MYRIP: variants seen among roughly 807,000 people sequenced by gnomAD.
The protein encoded by MYRIP is myosin VIIA and Rab interacting protein.
MYRIP carries 49 observed loss-of-function variants against 98.0 expected under a neutral mutation model. The ratio of observed to expected loss-of-function variants is 0.50; its 90% confidence interval spans 0.40 to 0.63. The LOEUF (loss-of-function observed/expected upper bound fraction) is 0.63. Ranked by LOEUF, MYRIP falls within the 30% of genes least tolerant of loss-of-function variation. MYRIP has a pLI of 0.00. For missense variants in MYRIP, 1,004 were observed against 1,058.2 expected, an observed-to-expected ratio of 0.95 and a Z score of 0.71; for synonymous variants, 404 against 409.5, an observed-to-expected ratio of 0.99 and a Z score of 0.16.
rs756564694 is a variant in MYRIP at position 39,900,839 on chromosome 3, C to A, written c.23C>A (p.Ser8Tyr). The part of the protein sequence containing the change: MGRKLDL[S>Y]GLTDDETEHV... ...ACCATGGGGAGGAAGCTGGACCTGT[C>A]TGGTTTGACTGATGATGAAACAGAG... The change falls in exon 2 of 17, where the codon TCT (serine) becomes TAT (tyrosine). Residue 8 changes from serine (S) to tyrosine (Y), a missense_variant. Ser to Tyr is a moderately radical substitution (Grantham distance 144, BLOSUM62 -2). This residue lies in a region of MYRIP where 880 missense variants were observed against 907.7 expected (regional missense o/e 0.97). Transcript: ENST00000302541. The A allele has an allele frequency of 1.6e-5, 26 of 1,613,780 alleles. No homozygotes were observed. Among genetic ancestry groups the A allele is most frequent in the Non-Finnish European group, 2.2e-5 (26 of 1,179,936 alleles).
intron 1 of MYRIP, among the ~76,000 whole-genome samples, chr3:39,846,203 C>CT (rs35935129): frequency 0.64 from 96,603 of 151,946 alleles, 31,081 homozygotes; most frequent in African/African-American, 0.73. Context: ...AGCTTCATTC[C>CT]TCTCTCCTAT....
In MYRIP at chr3:40,189,854, C is replaced by G; in HGVS notation, c.1056C>G (p.Asp352Glu). Reference sequence around the variant, plus strand: ...TGGCCCCAGTTTTGCAGAGCCCCGACGGGAACTGGGTGGCCCTGAAGGATG... The same window carrying G: ...TGGCCCCAGTTTTGCAGAGCCCCGAGGGGAACTGGGTGGCCCTGAAGGATG... ...TNLAPVLQSP[D>E]GNWVALKDGA... Residue 352 changes from aspartate (D) to glutamate (E), a missense_variant, in exon 10 of 17, where the codon GAC becomes GAG. Asp to Glu is a conservative substitution (Grantham distance 45). This residue lies in a region of MYRIP where 880 missense variants were observed against 907.7 expected (regional missense o/e 0.97). Transcript: ENST00000302541. 6.2e-7 allele frequency: 1 copy of G among 1,613,258 alleles called. No individual in the cohort carries two copies. Among genetic ancestry groups the G allele is most frequent in the Non-Finnish European group, 8.5e-7 (1 of 1,179,648 alleles).
At chr3:40,003,040 A>T (rs1282505351) in intron 2 of MYRIP, among the ~76,000 whole-genome samples, 4 of 33,744 alleles carry the variant, frequency 1.2e-4, no homozygotes, top group Non-Finnish European at 6.4e-4. Context: ...ATATATCTAT[A>T]GATATAGAGA....
At chr3:40,236,776 G>C (rs887750960) in intron 12 of MYRIP, among the ~76,000 whole-genome samples, 3 of 152,182 alleles carry the variant, frequency 2.0e-5, no homozygotes, top group Admixed American at 1.3e-4. Flanking sequence ...AGCTCCTGCA[G>C]AGTCAACTGT....
chr3:40,036,180 T>C (rs959153980), intron 2 of MYRIP, among the ~76,000 whole-genome samples: 5 of 151,342 alleles, frequency 3.3e-5, no homozygotes, highest in Admixed American at 2.0e-4. Flanking sequence ...AGTTACTTCA[T>C]AGTGAAACTG....
At chr3:40,077,593 GAC>G (rs1271884830) in intron 3 of MYRIP, among the ~76,000 whole-genome samples, 2 of 152,224 alleles carry the variant, frequency 1.3e-5, no homozygotes, top group African/African-American at 2.4e-5. Context: ...CCCTGAGCTA[GAC>G]ACAGGGTGCT....
At chr3:39,901,183 T>G (rs888237003) in intron 2 of MYRIP, among the ~76,000 whole-genome samples, 1 of 152,242 alleles carries the variant, frequency 6.6e-6, no homozygotes, top group Non-Finnish European at 1.5e-5. Context: ...TGAGTGGAGC[T>G]TGTGGTGAAC....
At chr3:40,123,097 T>C (rs1307836425) in intron 3 of MYRIP, among the ~76,000 whole-genome samples, 1 of 152,198 alleles carries the variant, frequency 6.6e-6, no homozygotes, top group Non-Finnish European at 1.5e-5. Context: ...CTTTTGACTA[T>C]TGTAATGATT....
At chr3:39,900,381 T>C (rs1943714320) in intron 1 of MYRIP, among the ~76,000 whole-genome samples, 1 of 151,524 alleles carries the variant, frequency 6.6e-6, no homozygotes, top group Non-Finnish European at 1.5e-5. Flanking sequence ...TATTTTTATT[T>C]TTATAAAATA....
At chr3:40,230,246 G>T (rs968895878) in intron 11 of MYRIP, among the ~76,000 whole-genome samples, 1 of 152,088 alleles carries the variant, frequency 6.6e-6, no homozygotes, top group Admixed American at 6.5e-5. Flanking sequence ...GCTCTGTCTG[G>T]GCTCTCAACT....
intron 12 of MYRIP, among the ~76,000 whole-genome samples, chr3:40,240,460 C>T (rs995610017): frequency 4.6e-5 from 7 of 152,186 alleles, no homozygotes; most frequent in East Asian, 1.9e-4. Context: ...TGAAGCAGGG[C>T]GAGGCATTGC....
chr3:40,045,305 T>G (rs1347192719), intron 3 of MYRIP, among the ~76,000 whole-genome samples: 2 of 152,122 alleles, frequency 1.3e-5, no homozygotes, highest in Admixed American at 6.5e-5. Context: ...ATATTCATAT[T>G]CATTCCAGAG....
At chr3:39,984,193 GTTTAT>G (rs71288070) in intron 2 of MYRIP, among the ~76,000 whole-genome samples, 6,526 of 145,612 alleles carry the variant, frequency 0.045, 221 homozygotes, top group East Asian at 0.17. Context: ...TGTAAGGAAA[GTTTAT>G]TTTATTTTAT....
chr3:40,161,638 C>T (rs1038484512), intron 4 of MYRIP, among the ~76,000 whole-genome samples: 2 of 152,178 alleles, frequency 1.3e-5, no homozygotes, highest in South Asian at 4.1e-4. Flanking sequence ...TAAACACACC[C>T]AAGTCTCTCC....
intron 3 of MYRIP, among the ~76,000 whole-genome samples, chr3:40,051,756 T>A (rs11923902): frequency 1 from 152,084 of 152,272 alleles, 75,948 homozygotes; most frequent in Middle Eastern, 1. Flanking sequence ...TTAAGGCTTC[T>A]TTTCTTTTTC....
At chr3:40,150,988 G>C in intron 3 of MYRIP, 60 bp from the exon 4 acceptor site, 1 of 1,427,486 alleles carries the variant, frequency 7.0e-7, no homozygotes, top group Non-Finnish European at 9.4e-7. Context: ...CATTGCAGCA[G>C]TTTTGCAATT....
intron 3 of MYRIP, among the ~76,000 whole-genome samples, chr3:40,112,887 G>T (rs1484438815): frequency 6.6e-6 from 1 of 152,174 alleles, no homozygotes; most frequent in Non-Finnish European, 1.5e-5. Context: ...CTGAAATCAA[G>T]TATTAGAAGC....
intron 2 of MYRIP, among the ~76,000 whole-genome samples, chr3:39,979,594 C>A (rs923196763): frequency 6.7e-6 from 1 of 149,798 alleles, no homozygotes; most frequent in African/African-American, 2.5e-5. Context: ...GCCAAGATCG[C>A]ACCATTGCAC....
At chr3:40,062,624 A>G (rs1317185615) in intron 3 of MYRIP, among the ~76,000 whole-genome samples, 1 of 152,202 alleles carries the variant, frequency 6.6e-6, no homozygotes, top group Non-Finnish European at 1.5e-5. Flanking sequence ...TCTGGATTCT[A>G]TTAAATTGAT....
Sources: allele counts gnomAD v4.1 joint callset (sites outside exome capture counted in the v4.1 genomes callset), GRCh38; gene constraint gnomAD v4.1.1; regional missense constraint gnomAD v4.1.1; transcripts MANE v1.5; gene names NCBI Gene and HGNC (gene_info 2026-07-23, HGNC 2026-07-21).